CSMD2: variants seen among roughly 807,000 people sequenced by gnomAD.
CSMD2 encodes the protein CUB and sushi domain-containing protein 2.
A neutral mutation model predicts 398.5 loss-of-function variants in CSMD2; 130 were observed. The observed-to-expected ratio is 0.33, with a 90% CI of 0.28 to 0.38. The LOEUF (loss-of-function observed/expected upper bound fraction) is 0.38, where lower values mean the gene tolerates loss of function less well. Among genes scored for constraint, CSMD2 ranks in the 10% least tolerant of loss-of-function variants. The pLI is 1.00. For synonymous variants in CSMD2, 1,828 were observed against 1,908.5 expected, an observed-to-expected ratio of 0.96 and a Z score of 1.10; for missense variants, 3,829 against 4,764.9, an observed-to-expected ratio of 0.80 and a Z score of 5.78.
At chr1:33,728,503 C>A (rs567906170) in intron 15 of CSMD2, among the ~76,000 whole-genome samples, 4 of 152,222 alleles carry the variant, frequency 2.6e-5, no homozygotes, top group Non-Finnish European at 5.9e-5. Flanking sequence ...TGTGTTATCT[C>A]ATTTAAATGC....
chr1:33,548,704 T>A (rs978286888), intron 56 of CSMD2, among the ~76,000 whole-genome samples: 1 of 152,240 alleles, frequency 6.6e-6, no homozygotes, highest in Non-Finnish European at 1.5e-5. Context: ...TCATCCCTTA[T>A]GTTCTCATCC....
At chr1:33,927,356 C>T (rs1341535355) in intron 4 of CSMD2, among the ~76,000 whole-genome samples, 3 of 152,114 alleles carry the variant, frequency 2.0e-5, no homozygotes, top group African/African-American at 7.2e-5. Flanking sequence ...TTACAGCCAC[C>T]TAAGGTATCC....
intron 11 of CSMD2, 83 bp downstream of exon 11, chr1:33,792,337 AGGG>A: frequency 1.2e-6 from 1 of 863,280 alleles, no homozygotes; most frequent in Non-Finnish European, 2.0e-6. Context: ...AGTATGGTCT[AGGG>A]ACCAGGCAGG....
intron 2 of CSMD2, among the ~76,000 whole-genome samples, chr1:34,042,670 A>G (rs1651988363): frequency 6.6e-6 from 1 of 152,220 alleles, no homozygotes; most frequent in Non-Finnish European, 1.5e-5. Context: ...CAGGAATGAC[A>G]GAGATGGATG....
At chr1:33,733,544 T>G (rs902710531) in intron 15 of CSMD2, among the ~76,000 whole-genome samples, 3 of 152,222 alleles carry the variant, frequency 2.0e-5, no homozygotes, top group African/African-American at 7.2e-5. Context: ...GGTTGGGCTC[T>G]GTGTCCCCAC....
At chr1:33,968,461 G>A (rs1234944829) in intron 3 of CSMD2, among the ~76,000 whole-genome samples, 2 of 152,220 alleles carry the variant, frequency 1.3e-5, no homozygotes, top group African/African-American at 2.4e-5. Context: ...TCACCCCTAT[G>A]ATTATGCTAC....
intron 5 of CSMD2, among the ~76,000 whole-genome samples, chr1:33,909,319 T>C (rs1175272239): frequency 6.6e-6 from 1 of 152,170 alleles, no homozygotes; most frequent in Non-Finnish European, 1.5e-5. Flanking sequence ...TCTTCCCCTG[T>C]GGCTCCTTCT....
At chr1:34,059,718 G>GTGAATGAATGAACGAATGAA (rs1553300189) in intron 2 of CSMD2, among the ~76,000 whole-genome samples, 11 of 151,460 alleles carry the variant, frequency 7.3e-5, no homozygotes, top group African/African-American at 2.7e-4. Flanking sequence ...GAATGAATAC[G>GTGAATGAATGAACGAATGAA]TGAATGAATG....
At chr1:33,582,334 A>T (rs914306779) in intron 47 of CSMD2, among the ~76,000 whole-genome samples, 3 of 152,208 alleles carry the variant, frequency 2.0e-5, no homozygotes, top group Non-Finnish European at 4.4e-5. Flanking sequence ...CCTAAGGGCA[A>T]GGTAAATAGG....
chr1:33,936,998 C>T (rs1343699953), intron 3 of CSMD2, among the ~76,000 whole-genome samples: 1 of 152,214 alleles, frequency 6.6e-6, no homozygotes, highest in Non-Finnish European at 1.5e-5. Context: ...CACTTCCCAG[C>T]CTGAAATCTT....
At chr1:33,751,958 T>G (rs552015932) in intron 13 of CSMD2, among the ~76,000 whole-genome samples, 1 of 152,192 alleles carries the variant, frequency 6.6e-6, no homozygotes, top group South Asian at 2.1e-4. Flanking sequence ...TTTGTTTTGA[T>G]GAGAGCAGCC....
chr1:34,114,923 G>A (rs1305478208), intron 1 of CSMD2, among the ~76,000 whole-genome samples: 2 of 152,066 alleles, frequency 1.3e-5, no homozygotes, highest in Admixed American at 1.3e-4. Flanking sequence ...AGATCAAACA[G>A]AAATTCTAGA....
At chr1:34,074,234 C>A (rs1220493265) in intron 2 of CSMD2, among the ~76,000 whole-genome samples, 1 of 152,232 alleles carries the variant, frequency 6.6e-6, no homozygotes, top group African/African-American at 2.4e-5. Flanking sequence ...GCTTGCTTAA[C>A]TTCTGCAAAG....
chr1:33,860,948 G>A (rs1639453941), intron 5 of CSMD2: 1 of 152,176 alleles, frequency 6.6e-6, no homozygotes, highest in Admixed American at 6.5e-5. Flanking sequence ...CTACAACAGA[G>A]TAGAAAATAA....
intron 5 of CSMD2, among the ~76,000 whole-genome samples, chr1:33,899,426 C>A (rs1642607868): frequency 6.6e-6 from 1 of 152,182 alleles, no homozygotes; most frequent in African/African-American, 2.4e-5. Context: ...AGGGCCCTGG[C>A]TTCAGGCTGC....
intron 46 of CSMD2, among the ~76,000 whole-genome samples, chr1:33,584,777 A>T (rs556949060): frequency 6.6e-6 from 1 of 151,044 alleles, no homozygotes; most frequent in Admixed American, 6.6e-5. Flanking sequence ...TGAAAACTGC[A>T]TCTTGAACAG....
intron 41 of CSMD2, among the ~76,000 whole-genome samples, chr1:33,609,551 T>C (rs958045267): frequency 6.6e-6 from 1 of 152,222 alleles, no homozygotes; most frequent in Non-Finnish European, 1.5e-5. Flanking sequence ...AGAATAATCC[T>C]GGGTTTGGAG....
At chr1:34,080,914 A>AGT (rs1656992124) in intron 2 of CSMD2, among the ~76,000 whole-genome samples, 1 of 105,430 alleles carries the variant, frequency 9.5e-6, no homozygotes, top group Non-Finnish European at 2.1e-5. Flanking sequence ...GGCAAGACTA[A>AGT]CTGAGTGGAA....
Position 33,519,708 on chromosome 1 carries a change from T to C in CSMD2, c.10737-31A>G. On this transcript the variant is annotated intron_variant, in intron 69 of 70. Transcript: ENST00000373381. The surrounding 1 kb of genome is among the most constrained non-coding windows in gnomAD (Gnocchi z 5.6). ...GATAAAAGAGGAAGTGCCCACGGCA[T>C]GAAAAGAGCGACACAGAGAGGCTTA... The C allele has an allele frequency of 1.1e-5, 17 of 1,613,814 alleles. No individual in the cohort carries two copies. Among genetic ancestry groups the C allele is most frequent in the Non-Finnish European group, 1.4e-5 (16 of 1,179,930 alleles).
Sources: gnomAD v4.1 joint callset for allele counts (sites outside exome capture counted in the v4.1 genomes callset) on GRCh38, gnomAD v4.1.1 for gene constraint, Gnocchi (gnomAD v3.1) non-coding constraint, MANE v1.5 for transcripts, NCBI Gene and HGNC (gene_info 2026-07-23, HGNC 2026-07-21) for gene names.